STAG1: variants seen among roughly 807,000 people sequenced by gnomAD.
STAG1 encodes STAG1 cohesin complex component, also known as cohesin subunit SA-1.
In STAG1, 26 loss-of-function variants were observed where a neutral mutation model predicts 170.9. That is an observed-to-expected ratio of 0.15 (90% CI 0.11 to 0.21). STAG1 has a LOEUF of 0.21. STAG1 is among the 10% of genes least tolerant of loss of function. The probability of loss-of-function intolerance (pLI) is 1.00; values close to 1 mark genes in which losing one functional copy is unlikely to be tolerated. For synonymous variants in STAG1, 514 were observed against 497.7 expected (o/e 1.03, Z -0.44); for missense variants, 964 against 1,509.5 (o/e 0.64, Z 5.99).
chr3:136,638,536 T>C (rs931231134), intron 1 of STAG1, among the ~76,000 whole-genome samples: 10 of 152,070 alleles, frequency 6.6e-5, no homozygotes, highest in Admixed American at 5.2e-4. Flanking sequence ...TTAAGGAGAG[T>C]ACACAAAGTT....
At chr3:136,474,692 G>A (rs1269461901) in intron 10 of STAG1, among the ~76,000 whole-genome samples, 1 of 152,188 alleles carries the variant, frequency 6.6e-6, no homozygotes, top group Non-Finnish European at 1.5e-5. Context: ...CGTAATATTT[G>A]TTGGTAAGTC....
intron 7 of STAG1, among the ~76,000 whole-genome samples, chr3:136,519,786 T>A (rs1934580345): frequency 6.6e-6 from 1 of 152,094 alleles, no homozygotes; most frequent in Non-Finnish European, 1.5e-5. Flanking sequence ...GGGTAAAAAA[T>A]CTTTTTCTTC....
chr3:136,668,391 AAT>A (rs1237348210), intron 1 of STAG1, among the ~76,000 whole-genome samples: 4 of 146,148 alleles, frequency 2.7e-5, no homozygotes, highest in South Asian at 4.2e-4. Flanking sequence ...TAATATATAA[AAT>A]ATATATTATG....
intron 16 of STAG1, among the ~76,000 whole-genome samples, chr3:136,427,724 C>T (rs1287644547): frequency 6.6e-6 from 1 of 150,984 alleles, no homozygotes; most frequent in Admixed American, 6.6e-5. Flanking sequence ...AACCACTGTA[C>T]CTTTTGCAAA....
chr3:136,401,201 C>A (rs2087315623), intron 21 of STAG1, among the ~76,000 whole-genome samples: 1 of 152,170 alleles, frequency 6.6e-6, no homozygotes, highest in Non-Finnish European at 1.5e-5. Flanking sequence ...GGTTCCCAGG[C>A]CACATTTTGA....
intron 1 of STAG1, among the ~76,000 whole-genome samples, chr3:136,690,710 G>A (rs1206635551): frequency 1.3e-5 from 2 of 152,138 alleles, no homozygotes; most frequent in African/African-American, 2.4e-5. Context: ...GAAGAGTTCT[G>A]TGAGGAGGAA....
chr3:136,434,594 T>C (rs1029465689), intron 15 of STAG1, among the ~76,000 whole-genome samples: 1 of 152,192 alleles, frequency 6.6e-6, no homozygotes, highest in African/African-American at 2.4e-5. Context: ...AAGTATTTTC[T>C]CCCAGTTTGT....
chr3:136,521,070 G>A, intron 7 of STAG1, 143 bp downstream of exon 7: 1 of 714,222 alleles, frequency 1.4e-6, no homozygotes, highest in Non-Finnish European at 2.3e-6. Context: ...TATGAAAACA[G>A]GCATAAATTT....
intron 12 of STAG1, among the ~76,000 whole-genome samples, chr3:136,466,053 A>G (rs1397474494): frequency 6.6e-6 from 1 of 152,154 alleles, no homozygotes; most frequent in Non-Finnish European, 1.5e-5. Flanking sequence ...AAAGATGGGG[A>G]AAAACTGAGC....
At chr3:136,420,013 C>T (rs531192649) in intron 20 of STAG1, among the ~76,000 whole-genome samples, 15 of 151,854 alleles carry the variant, frequency 9.9e-5, no homozygotes, top group African/African-American at 2.7e-4. Flanking sequence ...TTTGGGAGGC[C>T]GAGTGCCAGT....
chr3:136,728,864 C>T (rs1440106241), intron 1 of STAG1, among the ~76,000 whole-genome samples: 2 of 152,128 alleles, frequency 1.3e-5, no homozygotes, highest in Admixed American at 6.5e-5. Context: ...ACTCCTAAAC[C>T]CTAAGTGTTT....
rs1553740667 is a variant in STAG1 at position 136,528,503 on chromosome 3, C to CCA, written c.472-7087_472-7086insTG. Among the ~76,000 whole-genome samples, 142 of 125,278 alleles carry CCA rather than the reference C, an allele frequency of 1.1e-3. 4 individuals carry two copies. Among genetic ancestry groups the CCA allele is most frequent in the Non-Finnish European group, 2.9e-4 (19 of 66,406 alleles). The allele number at this position is 125,278 out of a possible 152,430, so 82.2% of individuals were successfully genotyped here. A position where few individuals can be genotyped will look rare whatever the true frequency, so the allele number is the denominator to read the frequency against. The stretch of plus-strand genomic sequence containing the variant: ...CAACAGATGTCCCCGCACCCCCCCC[C>CCA]CCAAAAAATCACTAAGTCCTGGAAA... On this transcript the variant is annotated intron_variant, in intron 6 of 33. Coordinates refer to ENST00000383202, the MANE Select transcript of STAG1 (RefSeq NM_005862.3).
At chr3:136,512,300 T>C (rs1172303938) in intron 7 of STAG1, among the ~76,000 whole-genome samples, 1 of 151,930 alleles carries the variant, frequency 6.6e-6, no homozygotes, top group Non-Finnish European at 1.5e-5. Flanking sequence ...AGCAAGACCC[T>C]GTCTCGAAAA....
At chr3:136,603,267 C>T (rs1024167999) in intron 4 of STAG1, among the ~76,000 whole-genome samples, 13 of 151,970 alleles carry the variant, frequency 8.6e-5, no homozygotes, top group Admixed American at 2.0e-4. Flanking sequence ...TCTCGGCTCA[C>T]TGCAACCTCC....
At chr3:136,443,243 T>C (rs910961007) in intron 15 of STAG1, 44 bp downstream of exon 15, 3 of 1,380,664 alleles carry the variant, frequency 2.2e-6, no homozygotes, top group African/African-American at 2.9e-5. Context: ...TTGCTATCAA[T>C]GGAAATACAA....
At chr3:136,568,622 C>A in intron 5 of STAG1, 143 bp downstream of exon 5, 1 of 676,692 alleles carries the variant, frequency 1.5e-6, no homozygotes, top group East Asian at 2.8e-5. Context: ...TATAACTTAC[C>A]AATAATATTC....
chr3:136,347,414 A>G (rs1371439343), intron 29 of STAG1, among the ~76,000 whole-genome samples: 1 of 148,544 alleles, frequency 6.7e-6, no homozygotes, highest in East Asian at 1.9e-4. Flanking sequence ...AAAAAAAAAA[A>G]AAAAGGAAAT....
At chr3:136,722,806 C>T (rs894788397) in intron 1 of STAG1, among the ~76,000 whole-genome samples, 2 of 152,094 alleles carry the variant, frequency 1.3e-5, no homozygotes, top group African/African-American at 4.8e-5. Context: ...ATTCTCCTGC[C>T]TCAGCCTGCC....
intron 30 of STAG1, among the ~76,000 whole-genome samples, chr3:136,341,888 T>C (rs1451021927): frequency 6.6e-6 from 1 of 152,232 alleles, no homozygotes; most frequent in African/African-American, 2.4e-5. Context: ...TATGTTGGCT[T>C]GGCAGCTGAA....
Sources: allele counts gnomAD v4.1 joint callset (sites outside exome capture counted in the v4.1 genomes callset), GRCh38; gene constraint gnomAD v4.1.1; transcripts MANE v1.5; gene names NCBI Gene and HGNC (gene_info 2026-07-23, HGNC 2026-07-21).